The following BLTP1 variants were observed in gnomAD, a reference collection of about 807,000 sequenced individuals.
BLTP1 encodes fragile site-associated protein.
the BLTP1 span, chr4:122,162,741 A>C: frequency 3.2e-5 from 25 of 779,970 alleles, no homozygotes; most frequent in African/African-American, 4.1e-4. Context: ...ACAACAAAAA[A>C]AAAACTGGGA....
chr4:122,316,680 T>A, the BLTP1 span: 1 of 1,577,420 alleles, frequency 6.3e-7, no homozygotes, highest in Admixed American at 1.8e-5. Context: ...ATAGTATAGA[T>A]TTGCTGTGTG....
the BLTP1 span, chr4:122,221,063 C>G: frequency 1.0e-6 from 1 of 978,932 alleles, no homozygotes; most frequent in African/African-American, 1.8e-5. Context: ...ACTTTATATG[C>G]CCCTGTCTTA....
At chr4:122,255,427 C>T in the BLTP1 span, 8 of 585,382 alleles carry the variant, frequency 1.4e-5, no homozygotes, top group East Asian at 2.9e-5. Flanking sequence ...GAGGCTGAGG[C>T]GGTTGGATCA....
At chr4:122,175,052 T>C in the BLTP1 span, 1 of 945,342 alleles carries the variant, frequency 1.1e-6, no homozygotes, top group African/African-American at 1.8e-5. Flanking sequence ...TTAGAAACTC[T>C]TAATTTTATT....
chr4:122,180,884 T>G, the BLTP1 span, among the ~76,000 whole-genome samples: 2 of 152,178 alleles, frequency 1.3e-5, no homozygotes, highest in Non-Finnish European at 2.9e-5. Context: ...CAGTTTTAAA[T>G]TACACTAATA....
chr4:122,218,546 T>A, the BLTP1 span, among the ~76,000 whole-genome samples: 2 of 152,340 alleles, frequency 1.3e-5, no homozygotes, highest in South Asian at 4.1e-4. Flanking sequence ...GAAGATAATT[T>A]TGTCAATAAC....
chr4:122,270,862 C>A, the BLTP1 span: 1 of 519,256 alleles, frequency 1.9e-6, no homozygotes, highest in Non-Finnish European at 2.5e-6. Flanking sequence ...AAAAGCCTGG[C>A]CTAGTGAAAA....
chr4:122,359,759 G>C, the BLTP1 span: 1 of 1,545,254 alleles, frequency 6.5e-7, no homozygotes, highest in Non-Finnish European at 8.7e-7. Context: ...CATATGCTAA[G>C]GGATTACTAT....
the BLTP1 span, chr4:122,197,610 C>T: frequency 4.6e-6 from 1 of 217,004 alleles, no homozygotes; most frequent in Non-Finnish European, 7.9e-6. Context: ...AGTGTATTCT[C>T]AGTGCTGAAC....
chr4:122,303,022 C>G, the BLTP1 span, among the ~76,000 whole-genome samples: 1 of 152,270 alleles, frequency 6.6e-6, no homozygotes, highest in Admixed American at 6.5e-5. Context: ...TTACGCTAAA[C>G]GACAGATTTT....
chr4:122,166,214 G>A, the BLTP1 span, among the ~76,000 whole-genome samples: 12 of 152,044 alleles, frequency 7.9e-5, no homozygotes, highest in South Asian at 2.1e-4. Flanking sequence ...TAGGTCTAAC[G>A]TTTAAGTCTT....
At chr4:122,304,912 A>T in the BLTP1 span, 2 of 1,613,992 alleles carry the variant, frequency 1.2e-6, no homozygotes, top group African/African-American at 1.3e-5. Context: ...AGGAAGTAGC[A>T]GCTATCTGAA....
chr4:122,236,471 C>T, the BLTP1 span, among the ~76,000 whole-genome samples: 1 of 152,124 alleles, frequency 6.6e-6, no homozygotes, highest in Non-Finnish European at 1.5e-5. Flanking sequence ...AATCCCTAAG[C>T]TACCATGTAA....
At chr4:122,301,479 A>G in the BLTP1 span, 5 of 699,216 alleles carry the variant, frequency 7.2e-6, no homozygotes, top group Non-Finnish European at 6.7e-6. Context: ...TGTATCTTAC[A>G]TAAATTACCA....
At chr4:122,349,467 C>T in the BLTP1 span, 1 of 1,586,956 alleles carries the variant, frequency 6.3e-7, no homozygotes, top group Non-Finnish European at 8.6e-7. This position sits in a 1 kb window ranked among gnomAD's most constrained non-coding sequence, Gnocchi z 4.5. Context: ...TTCTGAACAT[C>T]CAAATCAGCA....
chr4:122,192,184 G>GAT, the BLTP1 span: 1 of 1,588,402 alleles, frequency 6.3e-7, no homozygotes, highest in Non-Finnish European at 8.6e-7. Context: ...CTTTTTAATG[G>GAT]CCATTTTAAA....
chr4:122,195,626 T>A, the BLTP1 span: 3 of 407,836 alleles, frequency 7.4e-6, no homozygotes, highest in African/African-American at 6.4e-5. Flanking sequence ...AAAGCAGCCC[T>A]TCAGGTCTAC....
the BLTP1 span, chr4:122,258,670 A>G: frequency 5.6e-6 from 9 of 1,594,736 alleles, no homozygotes; most frequent in South Asian, 1.1e-5. Flanking sequence ...GTGATAATCT[A>G]TTGCTCACTT....
the BLTP1 span, chr4:122,258,995 T>C: frequency 1.7e-6 from 1 of 577,360 alleles, no homozygotes; most frequent in African/African-American, 1.9e-5. Flanking sequence ...AGTGTAAATA[T>C]TTCTTTGAAA....
Sources: allele counts gnomAD v4.1 joint callset (sites outside exome capture counted in the v4.1 genomes callset), GRCh38; gene constraint gnomAD v4.1.1; non-coding constraint Gnocchi (gnomAD v3.1); transcripts MANE v1.5; gene names NCBI Gene and HGNC (gene_info 2026-07-23, HGNC 2026-07-21).